The following IPO8 variants were observed in gnomAD, a reference collection of about 807,000 sequenced individuals.
IPO8 encodes importin-8.
IPO8 carries 65 observed loss-of-function variants against 141.2 expected under a neutral mutation model. That is an observed-to-expected ratio of 0.46 (90% CI 0.38 to 0.57). IPO8 has a LOEUF of 0.57. Among genes scored for constraint, IPO8 ranks in the 20% least tolerant of loss-of-function variants. The probability of loss-of-function intolerance (pLI) is 0.00; values close to 1 mark genes in which losing one functional copy is unlikely to be tolerated. For missense variants in IPO8, 980 were observed against 1,246.8 expected, an observed-to-expected ratio of 0.79 and a Z score of 3.22; for synonymous variants, 411 against 420.3, an observed-to-expected ratio of 0.98 and a Z score of 0.27.
At chr12:30,638,963 G>A (rs1054551480) in intron 21 of IPO8, among the ~76,000 whole-genome samples, 2 of 151,956 alleles carry the variant, frequency 1.3e-5, no homozygotes, top group African/African-American at 4.8e-5. Flanking sequence ...GAGCCACCGC[G>A]CCCGGCCTCA....
At chr12:30,651,584 T>C (rs868796900) in intron 19 of IPO8, among the ~76,000 whole-genome samples, 2 of 152,128 alleles carry the variant, frequency 1.3e-5, no homozygotes, top group African/African-American at 2.4e-5. Flanking sequence ...TGTGTGTATG[T>C]ATATATTTAC....
intron 3 of IPO8, among the ~76,000 whole-genome samples, chr12:30,683,010 A>T (rs2053204641): frequency 6.6e-6 from 1 of 152,188 alleles, no homozygotes; most frequent in South Asian, 2.1e-4. Context: ...AATAAATGTC[A>T]TATTTGTAAA....
chr12:30,632,187 A>G (rs1212313719), intron 23 of IPO8, among the ~76,000 whole-genome samples, 176 bp from the exon 24 acceptor site: 1 of 152,212 alleles, frequency 6.6e-6, no homozygotes, highest in African/African-American at 2.4e-5. Context: ...ATTTCTGAGT[A>G]CCCACTTAGT....
chr12:30,669,560 G>C (rs1591837558), intron 9 of IPO8, among the ~76,000 whole-genome samples: 1 of 152,088 alleles, frequency 6.6e-6, no homozygotes, highest in African/African-American at 2.4e-5. Flanking sequence ...GGAAGCCCAA[G>C]GGCAGAAGGA....
At chr12:30,666,956 C>G (rs2136154583) in intron 10 of IPO8, among the ~76,000 whole-genome samples, 1 of 152,272 alleles carries the variant, frequency 6.6e-6, no homozygotes, top group South Asian at 2.1e-4. Context: ...GAATATATAC[C>G]TATCTAAAAC....
chr12:30,682,757 A>T (rs1341834761), intron 3 of IPO8, among the ~76,000 whole-genome samples: 1 of 152,184 alleles, frequency 6.6e-6, no homozygotes, highest in African/African-American at 2.4e-5. Context: ...CAGTTGAACA[A>T]CCAGTAACTC....
At chr12:30,694,509 ACAGTCACACTT>A (rs148992289) in intron 1 of IPO8, among the ~76,000 whole-genome samples, 2,192 of 152,260 alleles carry the variant, frequency 0.014, 42 homozygotes, top group African/African-American at 0.05. Context: ...TTTACTTAGG[ACAGTCACACTT>A]CAGTCACACT....
At chr12:30,680,693 C>G (rs2053180295) in intron 4 of IPO8, 55 bp from the exon 5 acceptor site, 2 of 1,371,534 alleles carry the variant, frequency 1.5e-6, no homozygotes, top group East Asian at 4.8e-5. Flanking sequence ...AAAGAACCAT[C>G]AACAATAAAT....
At chr12:30,643,880 C>T (rs912565358) in intron 20 of IPO8, among the ~76,000 whole-genome samples, 1 of 152,234 alleles carries the variant, frequency 6.6e-6, no homozygotes, top group African/African-American at 2.4e-5. Context: ...AACCTCTCCC[C>T]AACCTATGTT....
chr12:30,639,712 A>C lies in IPO8; in HGVS notation c.2292T>G (p.Leu764=). 6.2e-7 allele frequency: 1 copy of C among 1,614,074 alleles called. No individual in the cohort carries two copies. Among genetic ancestry groups the C allele is most frequent in the Non-Finnish European group, 8.5e-7 (1 of 1,179,966 alleles). Reference sequence around the variant, plus strand: ...CCCCTCGAGTTAATCTCTCCAAAACAAGTTGAACGAAGAGTGGAATGCACT... The same window carrying C: ...CCCCTCGAGTTAATCTCTCCAAAACCAGTTGAACGAAGAGTGGAATGCACT... The part of the protein sequence containing the change: ...IDQCIPLFVQ[L]VLERLTRGVK... Residue 764 remains leucine, a synonymous_variant, in exon 21 of 25, where the codon CTT becomes CTG. Transcript: ENST00000256079.
In IPO8 at chr12:30,679,030, G is replaced by A. The variant is rs548238222; in HGVS notation, c.639+1452C>T. 7.2e-4 allele frequency among the ~76,000 whole-genome samples: 109 copies of A among 152,144 alleles called. 1 individual carries two copies. Among genetic ancestry groups the A allele is most frequent in the Admixed American group, 4.4e-3 (67 of 15,282 alleles). ...AATTTTTGTATTTTTCTAGAGATGGGGTTTCACCATGTTGGCCAGGCTGGT... is the reference window on the plus strand; with the variant it reads ...AATTTTTGTATTTTTCTAGAGATGGAGTTTCACCATGTTGGCCAGGCTGGT... On this transcript the variant is annotated intron_variant, in intron 5 of 24. Coordinates refer to ENST00000256079, the MANE Select transcript of IPO8 (RefSeq NM_006390.4).
At chr12:30,684,250 ATC>A in intron 3 of IPO8, 49 bp downstream of exon 3, 1 of 1,566,772 alleles carries the variant, frequency 6.4e-7, no homozygotes, top group Non-Finnish European at 8.7e-7. Flanking sequence ...CCACCCTCAG[ATC>A]TAACCATTTC....
chr12:30,648,217 T>C (rs1591826641), intron 20 of IPO8, among the ~76,000 whole-genome samples: 1 of 152,346 alleles, frequency 6.6e-6, no homozygotes, highest in South Asian at 2.1e-4. Context: ...GTGATTTAAC[T>C]ATACAATGAA....
At position 30,649,009 on chromosome 12, in the gene IPO8, T is replaced by C. The variant is rs942238257; in HGVS notation, c.2268+128A>G. On this transcript the variant is annotated intron_variant, in intron 20 of 24. Transcript: ENST00000256079. ...GGCTCTTTTTGTCATTTAAACAGAA[T>C]TTGCACCAGAAAGCACAATCTATAG... is the stretch of plus-strand genomic sequence containing the variant. The C allele has an allele frequency of 7.2e-6, 4 of 556,400 alleles. No homozygotes were observed. The African/African-American group carries it at 7.7e-5, about 11-fold the overall frequency. 34.5% of individuals were successfully genotyped at this position (556,400 alleles called of 1,614,324 possible).
intron 9 of IPO8, among the ~76,000 whole-genome samples, chr12:30,669,716 T>C (rs979599590): frequency 4.6e-5 from 7 of 151,116 alleles, no homozygotes; most frequent in African/African-American, 1.2e-4. Context: ...CAGTGAGCCA[T>C]GATCATGCCA....
In IPO8 at chr12:30,630,677, T is replaced by C; in HGVS notation, c.*183A>G. ...ATACTTACAGTAGCTGTTTAAAATATATATTTCAGGGTGACAAAGGTCAAA... is the reference window on the plus strand; with the variant it reads ...ATACTTACAGTAGCTGTTTAAAATACATATTTCAGGGTGACAAAGGTCAAA... On this transcript the variant is annotated 3_prime_UTR_variant, in exon 25 of 25. Coordinates refer to ENST00000256079, the MANE Select transcript of IPO8 (RefSeq NM_006390.4). 1.8e-6 allele frequency: 1 copy of C among 561,626 alleles called. No homozygotes were observed. The highest frequency in any genetic ancestry group is 3.1e-6 in the Non-Finnish European group (1 of 318,110). The allele number at this position is 561,626 out of a possible 1,614,324, so 34.8% of individuals were successfully genotyped here.
At chr12:30,664,215 G>T (rs2052929419) in intron 13 of IPO8, among the ~76,000 whole-genome samples, 1 of 152,140 alleles carries the variant, frequency 6.6e-6, no homozygotes, top group Non-Finnish European at 1.5e-5. Flanking sequence ...TTTAGCAAGA[G>T]AATCACAATT....
chr12:30,680,566 T>C lies in IPO8; in HGVS notation c.555A>G (p.Gln185=). ...AGGAATCAGGAAGGAGCTGAACAAT[T>C]TGTTGCTGAATACGAGGCAGGAATA... ...MQIFLPRIQQ[Q]IVQLLPDSSY... The change falls in exon 5 of 25, where the codon CAA becomes CAG. Residue 185 remains glutamine, a synonymous_variant. Transcript: ENST00000256079. The C allele has an allele frequency of 1.2e-6, 2 of 1,612,630 alleles. No homozygotes were observed. Among genetic ancestry groups the C allele is most frequent in the African/African-American group, 1.3e-5 (1 of 75,002 alleles).
At chr12:30,644,028 T>C (rs927385627) in intron 20 of IPO8, among the ~76,000 whole-genome samples, 3 of 152,202 alleles carry the variant, frequency 2.0e-5, no homozygotes, top group African/African-American at 7.2e-5. Flanking sequence ...ACCTCCACTA[T>C]GTCACCTAAA....
Sources: gnomAD v4.1 joint callset for allele counts (sites outside exome capture counted in the v4.1 genomes callset) on GRCh38, gnomAD v4.1.1 for gene constraint, MANE v1.5 for transcripts, NCBI Gene and HGNC (gene_info 2026-07-23, HGNC 2026-07-21) for gene names.